The following CNTN5 variants were observed in gnomAD, a reference collection of about 807,000 sequenced individuals.
The protein encoded by CNTN5 is contactin-5.
A neutral mutation model predicts 129.1 loss-of-function variants in CNTN5; 77 were observed. The observed-to-expected ratio is 0.60, with a 90% CI of 0.50 to 0.72. The LOEUF (loss-of-function observed/expected upper bound fraction) is 0.72, where lower values mean the gene tolerates loss of function less well. Among genes scored for constraint, CNTN5 ranks in the 30% least tolerant of loss-of-function variants. The pLI, the probability that CNTN5 is intolerant of heterozygous loss-of-function variation, is 0.00. For synonymous variants in CNTN5, 509 were observed against 465.6 expected, an observed-to-expected ratio of 1.09 and a Z score of -1.20; for missense variants, 1,478 against 1,328.8, an observed-to-expected ratio of 1.11 and a Z score of -1.75.
intron 9 of CNTN5, among the ~76,000 whole-genome samples, chr11:100,006,821 T>A (rs2137501166): frequency 1.3e-5 from 2 of 152,244 alleles, no homozygotes; most frequent in East Asian, 3.9e-4. Context: ...TTTGCTCAGA[T>A]CTATCAGTGG....
intron 8 of CNTN5, among the ~76,000 whole-genome samples, chr11:99,996,631 G>GTATT (rs1420406731): frequency 6.6e-6 from 1 of 151,990 alleles, no homozygotes; most frequent in Non-Finnish European, 1.5e-5. Flanking sequence ...AAATATGCAT[G>GTATT]TATTAGTCTG....
chr11:99,187,848 C>T (rs1158368950), intron 1 of CNTN5, among the ~76,000 whole-genome samples: 2 of 151,514 alleles, frequency 1.3e-5, no homozygotes, highest in Non-Finnish European at 3.0e-5. Flanking sequence ...AAATACAAAA[C>T]ATCTGAGAGT....
In CNTN5 at chr11:99,210,755, G is replaced by C. The variant is rs77966621; in HGVS notation, c.-209-114591G>C. ...GTTCCACACCCACATAGTATAATGT[G>C]ATTACATGTTATTTCTTGGACAGCT... On this transcript the variant is annotated intron_variant, in intron 1 of 24. Coordinates refer to ENST00000524871, the MANE Select transcript of CNTN5 (RefSeq NM_014361.4). 2.5e-4 allele frequency among the ~76,000 whole-genome samples: 38 copies of C among 152,184 alleles called. No homozygotes were observed. In the East Asian group the frequency reaches 6.8e-3, roughly 27 times the overall value.
chr11:100,265,449 A>C (rs1034312723), intron 17 of CNTN5, among the ~76,000 whole-genome samples: 1 of 152,126 alleles, frequency 6.6e-6, no homozygotes, highest in African/African-American at 2.4e-5. Context: ...CTCTGGAGCC[A>C]CACCAGCTCC....
At chr11:100,164,557 A>AATAC (rs1403568828) in intron 13 of CNTN5, among the ~76,000 whole-genome samples, 1 of 151,836 alleles carries the variant, frequency 6.6e-6, no homozygotes, top group Non-Finnish European at 1.5e-5. Context: ...GAAGTCCCAA[A>AATAC]ATACATACTA....
intron 1 of CNTN5, among the ~76,000 whole-genome samples, chr11:99,164,560 A>G (rs1351207644): frequency 6.6e-6 from 1 of 152,184 alleles, no homozygotes; most frequent in Admixed American, 6.5e-5. Context: ...TCTGCTCTGC[A>G]GAGTAACATA....
At chr11:100,349,855 A>C (rs1258034989) in intron 23 of CNTN5, among the ~76,000 whole-genome samples, 1 of 151,948 alleles carries the variant, frequency 6.6e-6, no homozygotes, top group East Asian at 1.9e-4. Context: ...TGATGATCAA[A>C]TATAAATCTT....
chr11:99,827,367 G>A (rs920125531), intron 4 of CNTN5, among the ~76,000 whole-genome samples: 1 of 152,190 alleles, frequency 6.6e-6, no homozygotes, highest in Admixed American at 6.5e-5. Flanking sequence ...GGGATTACAA[G>A]CATGAGCCAC....
intron 21 of CNTN5, among the ~76,000 whole-genome samples, chr11:100,311,951 G>C (rs1951481445): frequency 2.0e-5 from 3 of 151,972 alleles, no homozygotes. Context: ...TTTGAAAACA[G>C]AAAGTTAACA....
intron 2 of CNTN5, among the ~76,000 whole-genome samples, chr11:99,423,576 G>A (rs1037715224): frequency 6.6e-6 from 1 of 152,190 alleles, no homozygotes. Context: ...TTTCAACAGT[G>A]AGAATTAAGC....
At chr11:99,703,136 T>C (rs1954594787) in intron 3 of CNTN5, among the ~76,000 whole-genome samples, 1 of 150,678 alleles carries the variant, frequency 6.6e-6, no homozygotes, top group Admixed American at 6.6e-5. Context: ...ATGTTAATGA[T>C]TGCGTATTTA....
At chr11:100,017,393 G>A (rs1244072834) in intron 9 of CNTN5, among the ~76,000 whole-genome samples, 1 of 151,986 alleles carries the variant, frequency 6.6e-6, no homozygotes, top group Non-Finnish European at 1.5e-5. Flanking sequence ...AAATCCAGAT[G>A]TATATTGCAC....
At chr11:99,262,617 T>C (rs1862692586) in intron 1 of CNTN5, among the ~76,000 whole-genome samples, 1 of 151,572 alleles carries the variant, frequency 6.6e-6, no homozygotes, top group Non-Finnish European at 1.5e-5. Flanking sequence ...TTTTTCTCTC[T>C]CTTTTTTTTG....
In CNTN5 at chr11:99,639,628, A is replaced by G. The variant is rs1951695784; in HGVS notation, c.55+83359A>G. ...TTCCCAGGCTGGAGTGCAATGGTGCAATCTCGGCTCACTGAGGCCTCTGCC... is the reference window on the plus strand; with the variant it reads ...TTCCCAGGCTGGAGTGCAATGGTGCGATCTCGGCTCACTGAGGCCTCTGCC... On this transcript the variant is annotated intron_variant, in intron 3 of 24. Transcript: ENST00000524871. Among the ~76,000 whole-genome samples, 3 of 124,344 alleles carry G rather than the reference A, an allele frequency of 2.4e-5. No individual in the cohort carries two copies. The South Asian group carries it at 8.0e-4, about 33-fold the overall frequency. The allele number at this position is 124,344 out of a possible 152,430, so 81.6% of individuals were successfully genotyped here.
At chr11:99,043,501 G>T (rs529801709) in intron 1 of CNTN5, among the ~76,000 whole-genome samples, 1 of 152,224 alleles carries the variant, frequency 6.6e-6, no homozygotes, top group East Asian at 1.9e-4. Context: ...CCGAATAACA[G>T]TAGAATATAT....
At chr11:99,064,811 T>C (rs1865034831) in intron 1 of CNTN5, among the ~76,000 whole-genome samples, 1 of 152,184 alleles carries the variant, frequency 6.6e-6, no homozygotes, top group South Asian at 2.1e-4. Flanking sequence ...AATATTCTTG[T>C]AAAAACCAGT....
At chr11:100,201,222 T>A (rs888654385) in intron 15 of CNTN5, among the ~76,000 whole-genome samples, 5 of 151,958 alleles carry the variant, frequency 3.3e-5, no homozygotes, top group Admixed American at 2.6e-4. Flanking sequence ...CTGATATACA[T>A]AACAAACTTC....
intron 1 of CNTN5, among the ~76,000 whole-genome samples, chr11:99,252,025 T>C (rs1357586487): frequency 6.6e-6 from 1 of 152,092 alleles, no homozygotes; most frequent in Non-Finnish European, 1.5e-5. Context: ...ATCAGGACCC[T>C]CAATTCTCAT....
At chr11:100,204,442 C>T (rs577863171) in intron 15 of CNTN5, among the ~76,000 whole-genome samples, 21 of 145,336 alleles carry the variant, frequency 1.4e-4, no homozygotes, top group Middle Eastern at 7.1e-3. Context: ...ATCTATAGAT[C>T]TATAGATATA....
Sources: allele counts gnomAD v4.1 joint callset (sites outside exome capture counted in the v4.1 genomes callset), GRCh38; gene constraint gnomAD v4.1.1; transcripts MANE v1.5; gene names NCBI Gene and HGNC (gene_info 2026-07-23, HGNC 2026-07-21).